NEB: variants seen among roughly 807,000 people sequenced by gnomAD.
NEB encodes nebulin.
NEB carries 512 observed loss-of-function variants against 952.2 expected under a neutral mutation model. That is an observed-to-expected ratio of 0.54 (90% CI 0.50 to 0.58). The LOEUF is 0.58. Ranked by LOEUF, NEB falls within the 20% of genes least tolerant of loss-of-function variation. The pLI, the probability that NEB is intolerant of heterozygous loss-of-function variation, is 0.00. For missense variants in NEB, 8,428 were observed against 9,231.1 expected, an observed-to-expected ratio of 0.91 and a Z score of 3.56; for synonymous variants, 2,900 against 3,149.8, an observed-to-expected ratio of 0.92 and a Z score of 2.66.
intron 54 of NEB, among the ~76,000 whole-genome samples, chr2:151,648,209 T>A (rs1489749363): frequency 6.6e-5 from 10 of 152,288 alleles, no homozygotes; most frequent in Admixed American, 2.6e-4. Flanking sequence ...CAATAAAAAA[T>A]TTTTTTGTCT....
intron 13 of NEB, among the ~76,000 whole-genome samples, chr2:151,698,789 C>T (rs1243772911): frequency 6.6e-6 from 1 of 151,856 alleles, no homozygotes; most frequent in African/African-American, 2.4e-5. Context: ...AGGTGCCTGC[C>T]ACCATGCCCG....
intron 41 of NEB, 134 bp downstream of exon 41, chr2:151,665,956 A>T: frequency 1.1e-6 from 1 of 894,546 alleles, no homozygotes. Flanking sequence ...AAATGAGTGA[A>T]ATCCTAAAAC....
At chr2:151,575,357 T>A (rs1254410215) in intron 107 of NEB, among the ~76,000 whole-genome samples, 1 of 152,212 alleles carries the variant, frequency 6.6e-6, no homozygotes, top group South Asian at 2.1e-4. Flanking sequence ...CAAAGACTTC[T>A]CATAATTATT....
chr2:151,536,570 G>T, intron 141 of NEB, among the ~76,000 whole-genome samples: 1 of 152,058 alleles, frequency 6.6e-6, no homozygotes, highest in East Asian at 1.9e-4. Flanking sequence ...AATTAGAATG[G>T]GTTTCACCAT....
chr2:151,618,598 T>C (rs749235813), intron 73 of NEB, 120 bp from the exon 74 acceptor site: 34 of 1,002,184 alleles, frequency 3.4e-5, no homozygotes, highest in Non-Finnish European at 3.8e-5. Flanking sequence ...CCTAGCATAG[T>C]CATTCACTCA....
chr2:151,655,812 T>A lies in NEB; in HGVS notation c.6702+5A>T. ...AGCTGTGTGGACGGCCACTGTTCTC[T>A]GTACCTTGTTCATGGTATGTGCATT... On this transcript the variant is annotated splice_donor_5th_base_variant and intron_variant, in intron 50 of 181. Transcript: ENST00000397345. 1 of 1,613,490 alleles carries A rather than the reference T, an allele frequency of 6.2e-7. No individual in the cohort carries two copies. The highest frequency in any genetic ancestry group is 1.3e-5 in the African/African-American group (1 of 75,010).
Position 151,493,340 on chromosome 2 carries a change from T to C in NEB, c.24765+13A>G, listed in dbSNP as rs1357923263. ...AAGTTGTTGCACTATTTCTTTTTAG[T>C]CCTAGAAAATACCGAGCTAATGTTT... On this transcript the variant is annotated intron_variant, in intron 176 of 181. Coordinates refer to ENST00000397345, the MANE Select transcript of NEB (RefSeq NM_001164508.2). 3.2e-6 allele frequency: 5 copies of C among 1,581,358 alleles called. No homozygotes were observed. In the Admixed American group the frequency reaches 8.4e-5, roughly 26 times the overall value.
intron 38 of NEB, among the ~76,000 whole-genome samples, chr2:151,670,612 A>G (rs1339900375): frequency 6.6e-6 from 1 of 152,184 alleles, no homozygotes; most frequent in African/African-American, 2.4e-5. Context: ...CAGAACATGG[A>G]GCTATTATGC....
chr2:151,631,260 A>G lies in NEB; in HGVS notation c.9501T>C (p.Ala3167=). ...AGATGTTATCACTCAGTATTTCGGT[A>G]GCTCTCTTGCACTTGACCACATCCA... ...GSMDVVKCKR[A]TEILSDNIYR... is the part of the protein sequence containing the mutation. The change falls in exon 66 of 182, where the codon GCT becomes GCC. Residue 3167 remains alanine, a synonymous_variant. Coordinates refer to ENST00000397345, the MANE Select transcript of NEB (RefSeq NM_001164508.2). 4 of 1,613,964 alleles carry G rather than the reference A, an allele frequency of 2.5e-6. No individual in the cohort carries two copies. The South Asian group carries it at 4.4e-5, about 18-fold the overall frequency.
chr2:151,564,199 G>A (rs1577735266), intron 117 of NEB, among the ~76,000 whole-genome samples: 1 of 151,840 alleles, frequency 6.6e-6, no homozygotes, highest in Admixed American at 6.6e-5. Context: ...CCATCACCCA[G>A]GCTGGAGTGC....
At chr2:151,548,278 A>T (rs182633534) in intron 131 of NEB, 30 bp downstream of exon 131, 694 of 1,525,396 alleles carry the variant, frequency 4.5e-4, no homozygotes, top group Non-Finnish European at 2.5e-4. Context: ...GAAACTCAAT[A>T]TGTCTCTTGG....
rs149606244 is a variant in NEB, at chr2:151,514,848, A to G, written c.22986T>C (p.His7662=). The stretch of plus-strand genomic sequence containing the variant: ...TTGCTATTTTAGTTGCATATTTGAC[A>G]TGTAACAAAGCTGGCGTGACCTCCA... ...TGLEVTPALL[H]VKYATKIASE... is the part of the protein sequence containing the mutation. The change falls in exon 158 of 182, where the codon CAT becomes CAC. Residue 7662 remains histidine, a synonymous_variant. Coordinates refer to ENST00000397345, the MANE Select transcript of NEB (RefSeq NM_001164508.2). 4.5e-5 allele frequency: 71 copies of G among 1,585,022 alleles called. No individual in the cohort carries two copies. The East Asian group carries it at 1.6e-3, about 35-fold the overall frequency.
chr2:151,727,860 TAGTC>T lies in NEB; in HGVS notation c.121_124del (p.Asp41MetfsTer41). The T allele has an allele frequency of 6.2e-7, 1 of 1,613,378 alleles. No individual in the cohort carries two copies. Among genetic ancestry groups the T allele is most frequent in the Non-Finnish European group, 8.5e-7 (1 of 1,179,566 alleles). ...TGGTTTGGAAGTTTCTGATTGCTCA[TAGTC>T]AGATGTCCTTGTTGTCGTAGTCTCA... On this transcript the variant is annotated frameshift_variant, in exon 5 of 182. Coordinates refer to ENST00000397345, the MANE Select transcript of NEB (RefSeq NM_001164508.2). LOFTEE classifies it high-confidence loss of function.
At chr2:151,498,733 G>A (rs929002351) in intron 169 of NEB, among the ~76,000 whole-genome samples, 4 of 152,052 alleles carry the variant, frequency 2.6e-5, no homozygotes, top group Non-Finnish European at 4.4e-5. Flanking sequence ...ATCACATAGG[G>A]ATATTTGGGT....
At chr2:151,693,113 C>A (rs774532620) in intron 20 of NEB, among the ~76,000 whole-genome samples, 1 of 152,146 alleles carries the variant, frequency 6.6e-6, no homozygotes, top group Admixed American at 6.5e-5. Context: ...TGTAACACCT[C>A]CGGAAGCTGG....
chr2:151,540,906 G>A, intron 136 of NEB, 105 bp from the exon 137 acceptor site: 1 of 920,048 alleles, frequency 1.1e-6, no homozygotes, highest in Non-Finnish European at 1.8e-6. Flanking sequence ...GGTGGTATCT[G>A]CTTACTGTCC....
In NEB at chr2:151,537,216, C is replaced by T; in HGVS notation, c.21123G>A (p.Leu7041=). ...AGCAACCAATGCCTTTAAGCCAAGT[C>T]AAGTCTTCTTTATATTTTACCTGGG... ...TVSDVKYKED[L]TWLKGIGCYA... is the part of the protein sequence containing the mutation. Residue 7041 remains leucine (L), a synonymous_variant, in exon 141 of 182, where the codon TTG becomes TTA. Transcript: ENST00000397345. 1.2e-6 allele frequency: 2 copies of T among 1,611,520 alleles called. No homozygotes were observed. The highest frequency in any genetic ancestry group is 1.7e-6 in the Non-Finnish European group (2 of 1,178,090).
chr2:151,615,872 T>C, intron 76 of NEB, 130 bp downstream of exon 76: 1 of 706,242 alleles, frequency 1.4e-6, no homozygotes, highest in South Asian at 1.9e-5. Context: ...TACAATTTTG[T>C]ATAGGGGAAA....
intron 57 of NEB, 66 bp downstream of exon 57, chr2:151,643,752 T>A (rs1023062669): frequency 5.7e-5 from 90 of 1,574,422 alleles, no homozygotes; most frequent in Non-Finnish European, 7.6e-5. Flanking sequence ...CTGCTCACTA[T>A]GGGACTCTGA....
Sources: allele counts gnomAD v4.1 joint callset (sites outside exome capture counted in the v4.1 genomes callset), GRCh38; gene constraint gnomAD v4.1.1; transcripts MANE v1.5; gene names NCBI Gene and HGNC (gene_info 2026-07-23, HGNC 2026-07-21).